ZFHX3: variants seen among roughly 807,000 people sequenced by gnomAD.
ZFHX3 encodes zinc finger homeobox 3, also known as zinc finger homeobox protein 3.
Under a neutral mutation model 279.1 loss-of-function variants are expected in ZFHX3, and 42 were observed. The ratio of observed to expected loss-of-function variants is 0.15; its 90% confidence interval spans 0.12 to 0.19. ZFHX3 has a LOEUF of 0.19. Ranked by LOEUF, ZFHX3 falls within the 10% of genes least tolerant of loss-of-function variation. The pLI, the probability that ZFHX3 is intolerant of heterozygous loss-of-function variation, is 1.00. For missense variants in ZFHX3, 4,981 were observed against 4,754.0 expected (o/e 1.05, Z -1.40); for synonymous variants, 2,293 against 1,957.8 (o/e 1.17, Z -4.52).
chr16:73,748,086 C>G (rs429377), intron 1 of ZFHX3, among the ~76,000 whole-genome samples: 15,990 of 152,092 alleles, frequency 0.11, 1,400 homozygotes, highest in African/African-American at 0.24. Flanking sequence ...AGGAACCACT[C>G]CAAATGTTTC....
intron 8 of ZFHX3, among the ~76,000 whole-genome samples, chr16:73,087,010 G>C (rs1296526370): frequency 6.6e-6 from 1 of 151,924 alleles, no homozygotes; most frequent in Admixed American, 6.6e-5. Context: ...TGAGGTGACA[G>C]GTATCCCAGT....
At chr16:73,882,402 A>G (rs1429322440) in intron 1 of ZFHX3, among the ~76,000 whole-genome samples, 1 of 152,156 alleles carries the variant, frequency 6.6e-6, no homozygotes, top group African/African-American at 2.4e-5. Context: ...AAACTCTAGG[A>G]AAGTGGTACA....
At chr16:73,095,003 C>T (rs879810117) in intron 7 of ZFHX3, among the ~76,000 whole-genome samples, 11 of 152,158 alleles carry the variant, frequency 7.2e-5, no homozygotes, top group Non-Finnish European at 1.2e-4. Flanking sequence ...AGCCACTGTG[C>T]GCAGCTCCTT....
intron 3 of ZFHX3, among the ~76,000 whole-genome samples, chr16:72,923,651 A>T (rs1959267012): frequency 6.6e-6 from 1 of 151,920 alleles, no homozygotes; most frequent in African/African-American, 2.4e-5. Flanking sequence ...AGCACCCAGG[A>T]ATTAAGACCA....
At chr16:73,822,344 C>A (rs564992769) in intron 1 of ZFHX3, among the ~76,000 whole-genome samples, 2 of 152,172 alleles carry the variant, frequency 1.3e-5, no homozygotes, top group African/African-American at 2.4e-5. Context: ...TAGGTTCCTG[C>A]CAGCTAAGAA....
intron 2 of ZFHX3, among the ~76,000 whole-genome samples, chr16:73,596,339 A>C (rs990616752): frequency 6.6e-6 from 1 of 151,956 alleles, no homozygotes; most frequent in African/African-American, 2.4e-5. Flanking sequence ...ATTACTTTCT[A>C]ATCTCTTTTG....
rs144639306 is a variant in ZFHX3, at chr16:73,863,929, C to T, written c.-1608+27722G>A. On this transcript the variant is annotated intron_variant, in intron 1 of 17. Coordinates refer to the ZFHX3 transcript ENST00000641206. ...AATTTTTCAGATAGAAAAATGATCACGCTCTTTTCTCCAAGCAAGACAAGT... is the reference window on the plus strand; with the variant it reads ...AATTTTTCAGATAGAAAAATGATCATGCTCTTTTCTCCAAGCAAGACAAGT... Among the ~76,000 whole-genome samples, 1,482 of 152,194 alleles carry T rather than the reference C, an allele frequency of 9.7e-3. 22 individuals are homozygous for T. Among genetic ancestry groups the T allele is most frequent in the African/African-American group, 0.027 (1,117 of 41,508 alleles).
intron 1 of ZFHX3, among the ~76,000 whole-genome samples, chr16:73,838,194 G>T (rs1961194934): frequency 6.6e-6 from 1 of 152,210 alleles, no homozygotes; most frequent in Admixed American, 6.5e-5. Context: ...GGCTCAGAAA[G>T]CCTTTCTTCT....
intron 3 of ZFHX3, among the ~76,000 whole-genome samples, chr16:73,394,703 T>G (rs1231011139): frequency 6.6e-6 from 1 of 152,198 alleles, no homozygotes. Flanking sequence ...ACTGGTATGG[T>G]AAATAACTTC....
intron 2 of ZFHX3, chr16:73,505,102 T>A (rs1235054024): frequency 6.6e-6 from 1 of 152,026 alleles, no homozygotes; most frequent in Non-Finnish European, 1.5e-5. Flanking sequence ...AGCTGGAAGA[T>A]TAAATTAAGT....
intron 2 of ZFHX3, among the ~76,000 whole-genome samples, chr16:73,588,270 GA>G (rs1201930770): frequency 6.6e-6 from 1 of 152,118 alleles, no homozygotes; most frequent in Admixed American, 6.5e-5. Flanking sequence ...GTACGTAGAA[GA>G]AATGATACCA....
At chr16:73,077,491 G>A (rs1965898587) in intron 8 of ZFHX3, among the ~76,000 whole-genome samples, 1 of 150,706 alleles carries the variant, frequency 6.6e-6, no homozygotes, top group Admixed American at 6.6e-5. Context: ...TGACTCTCCC[G>A]TGATTTTAGC....
intron 3 of ZFHX3, among the ~76,000 whole-genome samples, chr16:73,445,423 CT>C (rs1181707369): frequency 1.3e-5 from 2 of 151,890 alleles, no homozygotes; most frequent in Non-Finnish European, 2.9e-5. Flanking sequence ...TTTCCCCTGA[CT>C]TTTTCATTGG....
chr16:72,918,985 C>G (rs146713158), intron 3 of ZFHX3, among the ~76,000 whole-genome samples: 123 of 151,716 alleles, frequency 8.1e-4, no homozygotes, highest in African/African-American at 2.9e-3. Context: ...CGTGAGCCAC[C>G]GCACCCGGCC....
intron 1 of ZFHX3, among the ~76,000 whole-genome samples, chr16:73,859,006 A>G (rs11865404): frequency 0.031 from 4,731 of 152,310 alleles, 267 homozygotes; most frequent in African/African-American, 0.11. Flanking sequence ...AACAAAACAA[A>G]GCAATACCTA....
intron 4 of ZFHX3, among the ~76,000 whole-genome samples, chr16:72,864,096 C>T (rs9925803): frequency 3.7e-4 from 56 of 151,834 alleles, no homozygotes; most frequent in Admixed American, 3.4e-3. Flanking sequence ...CCGGCCTGGG[C>T]GAAAGAGCAA....
At chr16:73,219,488 C>A (rs1399626060) in intron 5 of ZFHX3, among the ~76,000 whole-genome samples, 1 of 152,208 alleles carries the variant, frequency 6.6e-6, no homozygotes, top group Non-Finnish European at 1.5e-5. Flanking sequence ...ACATGTCATA[C>A]TGTAGAGATG....
intron 2 of ZFHX3, among the ~76,000 whole-genome samples, chr16:73,666,827 C>T (rs2052847219): frequency 6.6e-6 from 1 of 151,816 alleles, no homozygotes; most frequent in Non-Finnish European, 1.5e-5. Flanking sequence ...CCTGGTTTTG[C>T]TTTTTCCAGA....
chr16:72,956,872 T>C (rs1961275677), intron 2 of ZFHX3, among the ~76,000 whole-genome samples: 1 of 151,002 alleles, frequency 6.6e-6, no homozygotes. Flanking sequence ...CTCATAAATA[T>C]ACAGAGAACT....
Sources: gnomAD v4.1 joint callset for allele counts (sites outside exome capture counted in the v4.1 genomes callset) on GRCh38, gnomAD v4.1.1 for gene constraint, MANE v1.5 for transcripts, NCBI Gene and HGNC (gene_info 2026-07-23, HGNC 2026-07-21) for gene names.